CEP15: variants seen among roughly 807,000 people sequenced by gnomAD.
CEP15 encodes the protein centrosomal protein 15 kDa.
the CEP15 span, among the ~76,000 whole-genome samples, chr3:62,326,113 AAG>A: frequency 3.3e-5 from 5 of 152,090 alleles, no homozygotes; most frequent in Admixed American, 3.3e-4. Context: ...CGGGGTGAGA[AAG>A]AATGAGAAAG....
At chr3:62,329,668 A>G in the CEP15 span, among the ~76,000 whole-genome samples, 4 of 152,160 alleles carry the variant, frequency 2.6e-5, 1 homozygote, top group African/African-American at 7.2e-5. Context: ...CATGTCTCCT[A>G]TTTGTATCTG....
the CEP15 span, among the ~76,000 whole-genome samples, chr3:62,320,937 C>G: frequency 6.6e-6 from 1 of 152,152 alleles, no homozygotes; most frequent in East Asian, 1.9e-4. Flanking sequence ...GTAGCCAGTC[C>G]TGCTCTTTGC....
the CEP15 span, among the ~76,000 whole-genome samples, chr3:62,331,737 C>G: frequency 6.6e-6 from 1 of 152,098 alleles, no homozygotes; most frequent in Non-Finnish European, 1.5e-5. Flanking sequence ...AATGCTTTTG[C>G]TGCTTGCTGA....
At chr3:62,333,787 T>C in the CEP15 span, 1 of 153,734 alleles carries the variant, frequency 6.5e-6, no homozygotes, top group East Asian at 1.9e-4. This position sits in a 1 kb window ranked among gnomAD's most constrained non-coding sequence, Gnocchi z 4.0. Context: ...AGGATCAACA[T>C]GGTTCTTTTT....
At chr3:62,328,679 A>G in the CEP15 span, among the ~76,000 whole-genome samples, 1 of 152,130 alleles carries the variant, frequency 6.6e-6, no homozygotes, top group Non-Finnish European at 1.5e-5. Flanking sequence ...TTTTTAAAAA[A>G]AGTTTTGGTT....
At chr3:62,333,172 A>T in the CEP15 span, 3 of 1,350,180 alleles carry the variant, frequency 2.2e-6, no homozygotes, top group Non-Finnish European at 3.1e-6. The surrounding 1 kb of genome is among the most constrained non-coding windows in gnomAD (Gnocchi z 4.0). Flanking sequence ...ACACACTCTT[A>T]AGTGAATAAA....
the CEP15 span, chr3:62,322,175 C>A: frequency 9.8e-7 from 1 of 1,022,570 alleles, no homozygotes; most frequent in Non-Finnish European, 1.4e-6. This position sits in a 1 kb window ranked among gnomAD's most constrained non-coding sequence, Gnocchi z 5.5. Context: ...ATTACTAAAG[C>A]AGCATCTTTT....
the CEP15 span, among the ~76,000 whole-genome samples, chr3:62,323,392 T>C: frequency 6.6e-6 from 1 of 152,178 alleles, no homozygotes; most frequent in Non-Finnish European, 1.5e-5. Context: ...GGCATACTGT[T>C]GGATTCTTAC....
At chr3:62,335,888 A>G in the CEP15 span, 4 of 152,150 alleles carry the variant, frequency 2.6e-5, no homozygotes, top group Admixed American at 2.6e-4. Flanking sequence ...GTAGAATGCT[A>G]AAGATCAGAA....
At chr3:62,333,158 G>T in the CEP15 span, 5 of 1,011,778 alleles carry the variant, frequency 4.9e-6, no homozygotes, top group East Asian at 5.0e-5. The surrounding 1 kb of genome is among the most constrained non-coding windows in gnomAD (Gnocchi z 4.0). Context: ...GTGTATACAC[G>T]CATACACACT....
the CEP15 span, chr3:62,333,442 T>G: frequency 1.3e-6 from 2 of 1,567,428 alleles, no homozygotes; most frequent in African/African-American, 2.7e-5. The surrounding 1 kb of genome is among the most constrained non-coding windows in gnomAD (Gnocchi z 4.0). Context: ...AATGTTAAGG[T>G]GTATGTAGGT....
chr3:62,330,184 C>T, the CEP15 span, among the ~76,000 whole-genome samples: 9 of 152,220 alleles, frequency 5.9e-5, no homozygotes, highest in Middle Eastern at 3.4e-3. Context: ...TTGCTCCCGC[C>T]GCTACCATCT....
At chr3:62,325,909 A>G in the CEP15 span, among the ~76,000 whole-genome samples, 3 of 151,928 alleles carry the variant, frequency 2.0e-5, no homozygotes, top group Non-Finnish European at 4.4e-5. Flanking sequence ...CTGTAGTCCC[A>G]GCTACTCTGG....
the CEP15 span, chr3:62,333,472 A>G: frequency 2.1e-6 from 3 of 1,443,402 alleles, no homozygotes; most frequent in South Asian, 1.3e-5. This position sits in a 1 kb window ranked among gnomAD's most constrained non-coding sequence, Gnocchi z 4.0. Flanking sequence ...AACTTTAGGA[A>G]TTAAATATGT....
chr3:62,333,159 C>T, the CEP15 span: 1 of 1,029,828 alleles, frequency 9.7e-7, no homozygotes, highest in East Asian at 2.4e-5. This position sits in a 1 kb window ranked among gnomAD's most constrained non-coding sequence, Gnocchi z 4.0. Flanking sequence ...TGTATACACG[C>T]ATACACACTC....
chr3:62,320,507 T>C, the CEP15 span: 11 of 1,611,760 alleles, frequency 6.8e-6, no homozygotes, highest in Non-Finnish European at 9.3e-6. Flanking sequence ...TTCGCCTTTC[T>C]AAAAGACATG....
At chr3:62,327,924 A>T in the CEP15 span, among the ~76,000 whole-genome samples, 2 of 152,088 alleles carry the variant, frequency 1.3e-5, no homozygotes, top group Middle Eastern at 3.2e-3. Context: ...CATTTTTACT[A>T]TGGGGAAGCC....
At chr3:62,331,299 A>G in the CEP15 span, 1 of 1,606,694 alleles carries the variant, frequency 6.2e-7, no homozygotes, top group Non-Finnish European at 8.5e-7. Context: ...ATCCACTTTA[A>G]TATAAAATGC....
At chr3:62,331,241 A>G in the CEP15 span, 1 of 1,178,168 alleles carries the variant, frequency 8.5e-7, no homozygotes, top group Non-Finnish European at 1.3e-6. Context: ...GAGGTGAGAG[A>G]TTTGGGATAC....
Sources: gnomAD v4.1 joint callset for allele counts (sites outside exome capture counted in the v4.1 genomes callset) on GRCh38, gnomAD v4.1.1 for gene constraint, Gnocchi (gnomAD v3.1) non-coding constraint, MANE v1.5 for transcripts, NCBI Gene and HGNC (gene_info 2026-07-23, HGNC 2026-07-21) for gene names.